The following KAZN variants were observed in gnomAD, a reference collection of about 807,000 sequenced individuals.
KAZN encodes kazrin.
Under a neutral mutation model 87.4 loss-of-function variants are expected in KAZN, and 40 were observed. The observed-to-expected ratio is 0.46, with a 90% CI of 0.36 to 0.60. The LOEUF is 0.60. Among genes scored for constraint, KAZN ranks in the 20% least tolerant of loss-of-function variants. The pLI, the probability that KAZN is intolerant of heterozygous loss-of-function variation, is 0.00. For synonymous variants in KAZN, 466 were observed against 458.3 expected (o/e 1.02, Z -0.22); for missense variants, 898 against 1,073.9 (o/e 0.84, Z 2.29).
At chr1:14,960,964 T>G (rs770386814) in intron 2 of KAZN, 89 bp downstream of exon 2, 47 of 1,376,318 alleles carry the variant, frequency 3.4e-5, no homozygotes, top group Non-Finnish European at 4.2e-5. Flanking sequence ...GTGACGCAGA[T>G]GGACACAGGG....
At chr1:14,276,833 A>G (rs1383352243) in intron 2 of KAZN, among the ~76,000 whole-genome samples, 5 of 152,312 alleles carry the variant, frequency 3.3e-5, no homozygotes, top group East Asian at 3.9e-4. Context: ...CATAACATAC[A>G]TTAATAATTT....
chr1:14,924,915 G>C (rs574910128), intron 1 of KAZN, among the ~76,000 whole-genome samples: 1 of 152,304 alleles, frequency 6.6e-6, no homozygotes, highest in Non-Finnish European at 1.5e-5. Context: ...GCGCGAAGTT[G>C]GTTCGGCCCC....
At chr1:14,680,308 G>A (rs1295977536) in intron 1 of KAZN, among the ~76,000 whole-genome samples, 2 of 151,934 alleles carry the variant, frequency 1.3e-5, no homozygotes, top group Non-Finnish European at 2.9e-5. Context: ...TTCCCAGTCC[G>A]TTCCTACGTA....
At chr1:14,917,310 C>T (rs980901754) in intron 1 of KAZN, among the ~76,000 whole-genome samples, 2 of 152,086 alleles carry the variant, frequency 1.3e-5, no homozygotes, top group African/African-American at 2.4e-5. Context: ...CTGGGATGGC[C>T]GAGGGAAGAA....
At chr1:13,973,834 C>T (rs1557756212) in intron 1 of KAZN, among the ~76,000 whole-genome samples, 1 of 152,186 alleles carries the variant, frequency 6.6e-6, no homozygotes, top group African/African-American at 2.4e-5. Flanking sequence ...GCTCAAATAC[C>T]ATCTCTCTGA....
chr1:14,181,398 T>C (rs1557542561), intron 2 of KAZN, among the ~76,000 whole-genome samples: 1 of 152,250 alleles, frequency 6.6e-6, no homozygotes, highest in Non-Finnish European at 1.5e-5. Context: ...GGTTGGTGGT[T>C]TCTTTCATTC....
chr1:14,635,473 C>T (rs1463374190), intron 1 of KAZN, among the ~76,000 whole-genome samples: 4 of 152,166 alleles, frequency 2.6e-5, no homozygotes, highest in Admixed American at 1.3e-4. Flanking sequence ...CTGTCCAGTG[C>T]CTGGGTCAGT....
chr1:15,008,541 C>T (rs1669258799), intron 2 of KAZN, among the ~76,000 whole-genome samples: 1 of 152,240 alleles, frequency 6.6e-6, no homozygotes, highest in Non-Finnish European at 1.5e-5. Flanking sequence ...TCACTGTTTG[C>T]AGAGCTCTTC....
intron 1 of KAZN, among the ~76,000 whole-genome samples, chr1:14,033,144 A>T (rs1286121710): frequency 6.6e-6 from 1 of 152,222 alleles, no homozygotes; most frequent in Non-Finnish European, 1.5e-5. Flanking sequence ...TCTGCTACTA[A>T]TGCAGCAGAC....
At chr1:14,867,016 T>C (rs1370665707) in intron 1 of KAZN, among the ~76,000 whole-genome samples, 1 of 152,252 alleles carries the variant, frequency 6.6e-6, no homozygotes, top group African/African-American at 2.4e-5. Context: ...GGATGCTAAG[T>C]GAGGCTGGCC....
At chr1:14,274,965 T>C (rs182482878) in intron 2 of KAZN, among the ~76,000 whole-genome samples, 1 of 152,288 alleles carries the variant, frequency 6.6e-6, no homozygotes, top group Non-Finnish European at 1.5e-5. Flanking sequence ...ATGTAAGGGT[T>C]GTATGGGACC....
intron 1 of KAZN, among the ~76,000 whole-genome samples, chr1:14,099,875 A>G (rs572889244): frequency 2.6e-5 from 4 of 152,218 alleles, no homozygotes; most frequent in Non-Finnish European, 5.9e-5. Flanking sequence ...TTAATTGGAC[A>G]GTGCAAGCGA....
At chr1:14,035,583 C>T (rs1641518091) in intron 1 of KAZN, among the ~76,000 whole-genome samples, 1 of 146,846 alleles carries the variant, frequency 6.8e-6, no homozygotes, top group Admixed American at 7.0e-5. Context: ...GATCCTCCCA[C>T]CTCAGCCCCT....
chr1:14,121,557 GT>G (rs919663767), intron 1 of KAZN, among the ~76,000 whole-genome samples: 2 of 152,120 alleles, frequency 1.3e-5, no homozygotes, highest in African/African-American at 2.4e-5. Context: ...TAACAAACAC[GT>G]TTTAAAAATC....
At chr1:14,896,870 T>G (rs1444510708) in intron 1 of KAZN, among the ~76,000 whole-genome samples, 7 of 152,172 alleles carry the variant, frequency 4.6e-5, no homozygotes, top group African/African-American at 1.7e-4. Context: ...CAAAGAGACC[T>G]GGGTTTAGAT....
intron 1 of KAZN, among the ~76,000 whole-genome samples, chr1:14,147,980 G>A (rs1435577410): frequency 6.6e-6 from 1 of 152,062 alleles, no homozygotes; most frequent in Non-Finnish European, 1.5e-5. Flanking sequence ...AGCACTTTAG[G>A]AGGCCGAGGT....
intron 2 of KAZN, among the ~76,000 whole-genome samples, chr1:15,000,242 C>T (rs138012235): frequency 0.013 from 1,895 of 149,850 alleles, 76 homozygotes; most frequent in African/African-American, 0.045. Context: ...GGGATGCAGG[C>T]GGCCTCTAAA....
In KAZN at chr1:15,048,640, T is replaced by TTGGTCCTGGGTCGTCGGTCCTGGGTCGC. The variant is rs1557754287; in HGVS notation, c.726+4481_726+4482insTGGTCCTGGGTCGTCGGTCCTGGGTCGC. Among the ~76,000 whole-genome samples, 970 of 146,490 alleles carry TTGGTCCTGGGTCGTCGGTCCTGGGTCGC rather than the reference T, an allele frequency of 6.6e-3. 14 individuals carry two copies. The highest frequency in any genetic ancestry group is 0.01 in the Non-Finnish European group (689 of 66,628). ...GTCCTGGGTCGTCGGTCCTGGGTCGTCGGTCCTGGGTCGTCGGTCCTGGGT... is the reference window on the plus strand; with the variant it reads ...GTCCTGGGTCGTCGGTCCTGGGTCGTTGGTCCTGGGTCGTCGGTCCTGGGTCGCCGGTCCTGGGTCGTCGGTCCTGGGT... On this transcript the variant is annotated intron_variant, in intron 4 of 14. Transcript: ENST00000376030.
chr1:14,954,169 A>G (rs910644678), intron 1 of KAZN, among the ~76,000 whole-genome samples: 1 of 152,186 alleles, frequency 6.6e-6, no homozygotes, highest in Non-Finnish European at 1.5e-5. Flanking sequence ...CATTGGTAAC[A>G]GTTGGCTCCC....
Sources: allele counts gnomAD v4.1 joint callset (sites outside exome capture counted in the v4.1 genomes callset), GRCh38; gene constraint gnomAD v4.1.1; transcripts MANE v1.5; gene names NCBI Gene and HGNC (gene_info 2026-07-23, HGNC 2026-07-21).